Variants in PLEKHA1 observed in about 807,000 individuals in gnomAD.
PLEKHA1 encodes the protein pleckstrin homology domain containing A1.
A neutral mutation model predicts 52.0 loss-of-function variants in PLEKHA1; 34 were observed. The ratio of observed to expected loss-of-function variants is 0.65; its 90% CI spans 0.50 to 0.87. The LOEUF is 0.87. Ranked by LOEUF, PLEKHA1 falls within the 40% of genes least tolerant of loss-of-function variation. The pLI is 0.00. For missense variants in PLEKHA1, 497 were observed against 504.2 expected (o/e 0.99, Z 0.14); for synonymous variants, 163 against 170.7 (o/e 0.95, Z 0.35).
chr10:122,398,024 A>T (rs1428143552), intron 3 of PLEKHA1, 50 bp downstream of exon 3: 3 of 1,442,084 alleles, frequency 2.1e-6, no homozygotes, highest in Non-Finnish European at 2.9e-6. Flanking sequence ...ATCCCTGTGA[A>T]TGAGAGTATG....
At chr10:122,415,799 A>G in intron 6 of PLEKHA1, 60 bp from the exon 7 acceptor site, 2 of 1,476,766 alleles carry the variant, frequency 1.4e-6, no homozygotes, top group South Asian at 1.3e-5. Flanking sequence ...CTGGGATAAT[A>G]TGAAATAAAA....
chr10:122,380,329 C>A (rs766186981), intron 1 of PLEKHA1, among the ~76,000 whole-genome samples: 7 of 152,138 alleles, frequency 4.6e-5, no homozygotes, highest in African/African-American at 9.7e-5. Context: ...ATGGAGCCTA[C>A]ATTACAGTGT....
Position 122,406,559 on chromosome 10 carries a change from T to G in PLEKHA1, c.245-17T>G. Reference sequence around the variant, plus strand: ...AATAAGTACAATATTTGGTGTGTTATTTTTTTCTGTCAACAGTTATGAATG... The same window carrying G: ...AATAAGTACAATATTTGGTGTGTTAGTTTTTTCTGTCAACAGTTATGAATG... On this transcript the variant is annotated splice_polypyrimidine_tract_variant and intron_variant, in intron 4 of 11. Coordinates refer to ENST00000368990, the MANE Select transcript of PLEKHA1 (RefSeq NM_001001974.4). 1 of 1,584,926 alleles carries G rather than the reference T, an allele frequency of 6.3e-7. No homozygotes were observed. Among genetic ancestry groups the G allele is most frequent in the Non-Finnish European group, 8.7e-7 (1 of 1,154,776 alleles).
chr10:122,387,094 T>A (rs1009902053), intron 1 of PLEKHA1: 2 of 152,212 alleles, frequency 1.3e-5, no homozygotes, highest in Non-Finnish European at 2.9e-5. Context: ...AGCTATAGAT[T>A]TATCAATTTG....
chr10:122,405,386 A>G (rs527915304), intron 4 of PLEKHA1, among the ~76,000 whole-genome samples: 16 of 152,096 alleles, frequency 1.1e-4, no homozygotes, highest in Admixed American at 2.6e-4. Flanking sequence ...GAAAAGATTA[A>G]TAAAGAAGTT....
At chr10:122,402,825 G>A (rs2096949819) in intron 4 of PLEKHA1, among the ~76,000 whole-genome samples, 1 of 152,156 alleles carries the variant, frequency 6.6e-6, no homozygotes, top group Admixed American at 6.5e-5. Context: ...AATGAGGCAC[G>A]AAACTGAAAA....
intron 1 of PLEKHA1, among the ~76,000 whole-genome samples, chr10:122,391,780 AT>A (rs1480518801): frequency 6.6e-6 from 1 of 151,912 alleles, no homozygotes; most frequent in Non-Finnish European, 1.5e-5. Context: ...TAAAGAAATT[AT>A]TTCCTTTAAA....
rs574432621 is a variant in PLEKHA1 at position 122,415,146 on chromosome 10, C to A, written c.469-713C>A. 8.5e-5 allele frequency among the ~76,000 whole-genome samples: 13 copies of A among 152,184 alleles called. No homozygotes were observed. In the East Asian group the frequency reaches 2.5e-3, roughly 29 times the overall value. On this transcript the variant is annotated intron_variant, in intron 6 of 11. Coordinates refer to ENST00000368990, the MANE Select transcript of PLEKHA1 (RefSeq NM_001001974.4). Reference sequence around the variant, plus strand: ...AATAAAAAGGAATGAACTCTAGATACAAGGAACAGTCTGGACGAATCTCTA... The same window carrying A: ...AATAAAAAGGAATGAACTCTAGATAAAAGGAACAGTCTGGACGAATCTCTA...
chr10:122,404,424 T>G (rs2096976279), intron 4 of PLEKHA1, among the ~76,000 whole-genome samples: 1 of 152,220 alleles, frequency 6.6e-6, no homozygotes, highest in Non-Finnish European at 1.5e-5. Flanking sequence ...AAGCATTTAC[T>G]GTGTACCAAG....
downstream of PLEKHA1, chr10:122,434,938 T>G (rs1158618938): frequency 1.3e-5 from 2 of 151,954 alleles, no homozygotes; most frequent in East Asian, 3.9e-4. Context: ...ATGGTGTATA[T>G]GTGCCACATT....
intron 2 of PLEKHA1, among the ~76,000 whole-genome samples, chr10:122,395,347 G>C (rs1291092050): frequency 6.6e-6 from 1 of 151,994 alleles, no homozygotes; most frequent in Admixed American, 6.6e-5. Context: ...TTCCAACTTA[G>C]GAAATCTTGA....
intron 1 of PLEKHA1, among the ~76,000 whole-genome samples, chr10:122,383,003 G>A (rs1360500185): frequency 6.6e-6 from 1 of 152,144 alleles, no homozygotes; most frequent in Non-Finnish European, 1.5e-5. Flanking sequence ...CAATGTAAGA[G>A]TTTCTGTTTT....
At chr10:122,428,153 G>A (rs2097367272) in intron 11 of PLEKHA1, 1 of 940,650 alleles carries the variant, frequency 1.1e-6, no homozygotes, top group Non-Finnish European at 1.4e-6. Flanking sequence ...GGATGTTTGT[G>A]TTTTGTGCTT....
intron 1 of PLEKHA1, among the ~76,000 whole-genome samples, chr10:122,375,859 C>A (rs892217543): frequency 1.3e-5 from 2 of 152,116 alleles, no homozygotes; most frequent in African/African-American, 4.8e-5. Context: ...TACAATTGAT[C>A]GTTGTTTTAA....
chr10:122,429,960 C>A lies in PLEKHA1; in HGVS notation c.*22C>A. The A allele has an allele frequency of 6.3e-7, 1 of 1,584,284 alleles. No individual in the cohort carries two copies. Among genetic ancestry groups the A allele is most frequent in the Non-Finnish European group, 8.6e-7 (1 of 1,165,922 alleles). The stretch of plus-strand genomic sequence containing the variant: ...GTGAGGCAGAAGCGCACGGAGCCTG[C>A]CTGCCTCTGCCGTCCTCAGTTTCCT... On this transcript the variant is annotated 3_prime_UTR_variant, in exon 12 of 12. Coordinates refer to ENST00000368990, the MANE Select transcript of PLEKHA1 (RefSeq NM_001001974.4).
chr10:122,410,392 CAT>C (rs1296335073), intron 5 of PLEKHA1, among the ~76,000 whole-genome samples: 1 of 152,136 alleles, frequency 6.6e-6, no homozygotes. Flanking sequence ...CAGTGTCTGA[CAT>C]GTGCCAACTG....
intron 1 of PLEKHA1, among the ~76,000 whole-genome samples, chr10:122,380,226 G>A (rs1378032454): frequency 7.9e-5 from 12 of 152,164 alleles, no homozygotes; most frequent in Non-Finnish European, 1.8e-4. Flanking sequence ...TACTTCATCC[G>A]TCGTTCAACA....
In PLEKHA1 at chr10:122,393,320, G is replaced by A; in HGVS notation, c.120G>A (p.Val40=). Residue 40 remains valine, a synonymous_variant, in exon 2 of 12, where the codon GTG becomes GTA. Coordinates refer to ENST00000368990, the MANE Select transcript of PLEKHA1 (RefSeq NM_001001974.4). The surrounding 1 kb of genome is among the most constrained non-coding windows in gnomAD (Gnocchi z 4.5). The part of the protein sequence containing the change: ...FILDTREDSF[V]WYMDNPQNLP... ...TGGATACCAGAGAAGATAGTTTCGT[G>A]TGGTACATGGATAATCCACAGGTTT... 6.2e-7 allele frequency: 1 copy of A among 1,611,638 alleles called. No individual in the cohort carries two copies.
intron 1 of PLEKHA1, among the ~76,000 whole-genome samples, chr10:122,375,367 G>T (rs1009689690): frequency 6.6e-6 from 1 of 152,208 alleles, no homozygotes. Flanking sequence ...AGCCGGCTCC[G>T]CCCTGGGCCC....
Sources: gnomAD v4.1 joint callset for allele counts (sites outside exome capture counted in the v4.1 genomes callset) on GRCh38, gnomAD v4.1.1 for gene constraint, Gnocchi (gnomAD v3.1) non-coding constraint, MANE v1.5 for transcripts, NCBI Gene and HGNC (gene_info 2026-07-23, HGNC 2026-07-21) for gene names.